GPATCH8: variants seen among roughly 807,000 people sequenced by gnomAD.
The protein encoded by GPATCH8 is G patch domain-containing protein 8.
In GPATCH8, 18 loss-of-function variants were observed where a neutral mutation model predicts 118.3. The ratio of observed to expected loss-of-function variants is 0.15; its 90% CI spans 0.11 to 0.23. The LOEUF (loss-of-function observed/expected upper bound fraction) is 0.23. Ranked by LOEUF, GPATCH8 falls within the 10% of genes least tolerant of loss-of-function variation. GPATCH8 has a pLI of 1.00. For missense variants in GPATCH8, 1,631 were observed against 1,873.8 expected (o/e 0.87, Z 2.39); for synonymous variants, 659 against 684.7 (o/e 0.96, Z 0.59).
chr17:44,430,438 G>A (rs576944333), intron 5 of GPATCH8, among the ~76,000 whole-genome samples: 74 of 152,186 alleles, frequency 4.9e-4, no homozygotes, highest in Non-Finnish European at 8.7e-4. Flanking sequence ...AAACCCACAA[G>A]GTTATCTCAG....
intron 3 of GPATCH8, among the ~76,000 whole-genome samples, chr17:44,448,853 G>C (rs1005802172): frequency 4.6e-5 from 7 of 150,812 alleles, no homozygotes; most frequent in Non-Finnish European, 7.4e-5. Context: ...AAAAAAAACT[G>C]TCCACCCTAT....
rs536455312 is a variant in GPATCH8, at chr17:44,486,477, T to C, written c.46-11574A>G. 7 of 152,314 alleles carry C rather than the reference T, an allele frequency of 4.6e-5. No individual in the cohort carries two copies. The South Asian group carries it at 1.2e-3, about 27-fold the overall frequency. 9.4% of individuals were successfully genotyped at this position (152,314 alleles called of 1,614,324 possible). A position where few individuals can be genotyped will look rare whatever the true frequency, so the allele number is the denominator to read the frequency against. On this transcript the variant is annotated intron_variant, in intron 1 of 7. Transcript: ENST00000591680. ...ATTAGACTGAGCTCATAGGGAGAAC[T>C]TAAAAAAAATTTTTTTTAACAATTT...
chr17:44,400,894 G>A lies in GPATCH8; in HGVS notation c.1183C>T (p.His395Tyr). The change falls in exon 8 of 8, where the codon CAC becomes TAC. Residue 395 changes from histidine (H) to tyrosine (Y), a missense_variant. By Grantham distance (83) the His-to-Tyr change is moderately conservative. This residue lies in a region of GPATCH8 where 405 missense variants were observed against 462.7 expected (regional missense o/e 0.88). Coordinates refer to ENST00000591680, the MANE Select transcript of GPATCH8 (RefSeq NM_001002909.4). ...GAGATEPEYY[H>Y]YIPPAHCKVK... ...TTGCAGTGTGCTGGGGGGATGTAGT[G>A]GTAATACTCAGGCTCTGTAGCCCCA... is the stretch of plus-strand genomic sequence containing the variant. 2.5e-6 allele frequency: 4 copies of A among 1,613,744 alleles called. No homozygotes were observed. Among genetic ancestry groups the A allele is most frequent in the East Asian group, 4.5e-5 (2 of 44,900 alleles).
Position 44,405,985 on chromosome 17 carries a change from T to C in GPATCH8, c.559A>G (p.Lys187Glu), listed in dbSNP as rs1175834504. ...NVSSRSRKDE[K>E]KQEKALRRLH... is the part of the protein sequence containing the mutation. ...CGCCGAAGGGCTTTTTCCTGTTTTT[T>C]CTCATCCTTGCGGGATCTTGAAGAG... is the stretch of plus-strand genomic sequence containing the variant. The change falls in exon 7 of 8, where the codon AAA becomes GAA. Residue 187 changes from lysine to glutamate, a missense_variant. Coordinates refer to ENST00000591680, the MANE Select transcript of GPATCH8 (RefSeq NM_001002909.4). The C allele has an allele frequency of 6.2e-7, 1 of 1,610,584 alleles. No homozygotes were observed. Among genetic ancestry groups the C allele is most frequent in the Non-Finnish European group, 8.5e-7 (1 of 1,176,838 alleles).
chr17:44,471,351 C>T (rs897179091), intron 2 of GPATCH8, among the ~76,000 whole-genome samples: 1 of 152,144 alleles, frequency 6.6e-6, no homozygotes, highest in African/African-American at 2.4e-5. Flanking sequence ...GTCTCATTTC[C>T]CATCTTGCTG....
chr17:44,405,409 T>C (rs1319994377), intron 7 of GPATCH8, among the ~76,000 whole-genome samples: 1 of 151,904 alleles, frequency 6.6e-6, no homozygotes, highest in Non-Finnish European at 1.5e-5. Context: ...GGTTTCTCCA[T>C]GTTGGTCAGG....
At position 44,396,590 on chromosome 17, in the gene GPATCH8, T is replaced by G; in HGVS notation, c.*978A>C. On this transcript the variant is annotated 3_prime_UTR_variant, in exon 8 of 8. Coordinates refer to ENST00000591680, the MANE Select transcript of GPATCH8 (RefSeq NM_001002909.4). ...AATATTTTATTTTTTGTTTTCATTT[T>G]ATAACCTTTAGAGTTTCTTAATTCA... 1 of 438,264 alleles carries G rather than the reference T, an allele frequency of 2.3e-6. No individual in the cohort carries two copies. The highest frequency in any genetic ancestry group is 4.5e-6 in the Non-Finnish European group (1 of 222,226). The allele number at this position is 438,264 out of a possible 1,614,324, so 27.1% of individuals were successfully genotyped here.
chr17:44,487,946 G>A (rs1260520334), intron 1 of GPATCH8, among the ~76,000 whole-genome samples: 11 of 140,058 alleles, frequency 7.9e-5, no homozygotes, highest in African/African-American at 1.6e-4. Flanking sequence ...TTTTTGAGAC[G>A]GAGTCTCGCT....
intron 3 of GPATCH8, among the ~76,000 whole-genome samples, chr17:44,449,715 C>T (rs1598521041): frequency 1.3e-5 from 2 of 150,520 alleles, no homozygotes; most frequent in East Asian, 4.0e-4. Context: ...GGGGTTTCTC[C>T]ATGTTGAGGC....
chr17:44,458,720 CTTG>C (rs1281358994), intron 3 of GPATCH8, among the ~76,000 whole-genome samples: 1 of 152,052 alleles, frequency 6.6e-6, no homozygotes, highest in Non-Finnish European at 1.5e-5. Flanking sequence ...GGAACTGGGT[CTTG>C]TTGTTGCCCA....
intron 3 of GPATCH8, among the ~76,000 whole-genome samples, chr17:44,453,530 T>TGTGTGC (rs1052518435): frequency 3.3e-5 from 5 of 150,452 alleles, no homozygotes; most frequent in East Asian, 1.9e-4. Context: ...TGTGTGTGTG[T>TGTGTGC]GCAGGCGCGC....
chr17:44,410,945 A>C (rs2049406010), intron 6 of GPATCH8, among the ~76,000 whole-genome samples: 1 of 152,214 alleles, frequency 6.6e-6, no homozygotes, highest in South Asian at 2.1e-4. Flanking sequence ...TTAAAACATA[A>C]CTTAAACAGC....
intron 5 of GPATCH8, among the ~76,000 whole-genome samples, chr17:44,429,105 C>A (rs1366237481): frequency 1.3e-5 from 2 of 151,944 alleles, no homozygotes; most frequent in Admixed American, 6.6e-5. Context: ...GGCGCCACTG[C>A]ACTCCAGCCT....
At chr17:44,442,216 A>AT (rs2050725610) in intron 3 of GPATCH8, among the ~76,000 whole-genome samples, 1 of 147,174 alleles carries the variant, frequency 6.8e-6, no homozygotes, top group Non-Finnish European at 1.5e-5. Context: ...GATGATGTAA[A>AT]AAAAAAAAAA....
chr17:44,468,582 A>T (rs1237784661), intron 2 of GPATCH8, among the ~76,000 whole-genome samples: 2 of 151,688 alleles, frequency 1.3e-5, no homozygotes, highest in South Asian at 2.1e-4. Context: ...AATTATTTTT[A>T]AAAATAATTT....
At chr17:44,421,654 G>A (rs148921244) in intron 6 of GPATCH8, among the ~76,000 whole-genome samples, 365 of 151,704 alleles carry the variant, frequency 2.4e-3, no homozygotes, top group African/African-American at 8.7e-3. Context: ...ACGAGCCACC[G>A]CACCTGGCCT....
intron 3 of GPATCH8, among the ~76,000 whole-genome samples, chr17:44,453,528 T>TGTGTGTGTGTGTGTGCGCGC (rs1482667373): frequency 1.3e-5 from 2 of 150,584 alleles, no homozygotes; most frequent in African/African-American, 4.9e-5. Context: ...TGTGTGTGTG[T>TGTGTGTGTGTGTGTGCGCGC]GTGCAGGCGC....
intron 3 of GPATCH8, among the ~76,000 whole-genome samples, chr17:44,447,620 T>A (rs973464352): frequency 1.5e-5 from 2 of 135,040 alleles, no homozygotes; most frequent in African/African-American, 2.8e-5. Flanking sequence ...TATCACCACC[T>A]TTTTTTTTTT....
At chr17:44,413,888 G>A (rs1241629229) in intron 6 of GPATCH8, among the ~76,000 whole-genome samples, 1 of 152,004 alleles carries the variant, frequency 6.6e-6, no homozygotes, top group African/African-American at 2.4e-5. Flanking sequence ...CCAAAATGCT[G>A]GGATTATAGG....
Sources: allele counts gnomAD v4.1 joint callset (sites outside exome capture counted in the v4.1 genomes callset), GRCh38; gene constraint gnomAD v4.1.1; regional missense constraint gnomAD v4.1.1; transcripts MANE v1.5; gene names NCBI Gene and HGNC (gene_info 2026-07-23, HGNC 2026-07-21).